MED12L: variants seen among roughly 807,000 people sequenced by gnomAD.
MED12L encodes mediator of RNA polymerase II transcription subunit 12-like protein.
Under a neutral mutation model 281.3 loss-of-function variants are expected in MED12L, and 60 were observed. That is an observed-to-expected ratio of 0.21 (90% CI 0.17 to 0.26). MED12L has a LOEUF of 0.26. MED12L is among the 10% of genes least tolerant of loss of function. The pLI, the probability that MED12L is intolerant of heterozygous loss-of-function variation, is 1.00. For synonymous variants in MED12L, 974 were observed against 987.2 expected, an observed-to-expected ratio of 0.99 and a Z score of 0.25; for missense variants, 2,146 against 2,680.9, an observed-to-expected ratio of 0.80 and a Z score of 4.41.
Position 151,392,307 on chromosome 3 carries a change from T to G in MED12L, c.5608+2172T>G, listed in dbSNP as rs536588048. On this transcript the variant is annotated intron_variant, in intron 38 of 44. Transcript: ENST00000687756. ...GGTGAAACCCCGTATCTACTAAAAA[T>G]ACAAAAAACAAAATTAGCCAGGCAT... Among the ~76,000 whole-genome samples the G allele has an allele frequency of 2.0e-3, 309 of 151,156 alleles. 1 individual carries two copies. Among genetic ancestry groups the G allele is most frequent in the Non-Finnish European group, 1.3e-3 (85 of 67,794 alleles).
chr3:151,184,808 C>T (rs576147436), intron 11 of MED12L, among the ~76,000 whole-genome samples: 91 of 152,194 alleles, frequency 6.0e-4, no homozygotes, highest in African/African-American at 2.1e-3. Flanking sequence ...TCCATTGGGA[C>T]GGGTGTTTTA....
At chr3:151,283,179 ATGTAT>A (rs958397413) in intron 16 of MED12L, among the ~76,000 whole-genome samples, 2 of 152,254 alleles carry the variant, frequency 1.3e-5, no homozygotes, top group African/African-American at 2.4e-5. Context: ...CAATTTGTAC[ATGTAT>A]TGTAGGCAGT....
chr3:151,171,975 A>G lies in MED12L; in HGVS notation c.1494+5993A>G, dbSNP rs191241922. Among the ~76,000 whole-genome samples the G allele has an allele frequency of 1.8e-4, 28 of 152,316 alleles. 1 individual carries two copies. The East Asian group carries it at 5.4e-3, about 29-fold the overall frequency. On this transcript the variant is annotated intron_variant, in intron 11 of 44. Coordinates refer to ENST00000687756, the MANE Select transcript of MED12L (RefSeq NM_001393769.1). ...GTCGCATTTATTGAATTCATTTTTT[A>G]GACCTCATTAAAAAGCTACTCGGGC...
At chr3:151,227,933 G>A (rs577035834) in intron 16 of MED12L, among the ~76,000 whole-genome samples, 3 of 152,342 alleles carry the variant, frequency 2.0e-5, no homozygotes, top group South Asian at 4.1e-4. Flanking sequence ...GCCATGGTTT[G>A]TGCAACCAGC....
rs777877551 is a variant in MED12L, at chr3:151,193,518, G to C, written c.2102G>C (p.Cys701Ser). 6.2e-7 allele frequency: 1 copy of C among 1,613,798 alleles called. No individual in the cohort carries two copies. Among genetic ancestry groups the C allele is most frequent in the African/African-American group, 1.3e-5 (1 of 75,032 alleles). ...TTTTCTCCTATGCCTGGAGAATCCTGTGAGAATGCCAACACTTCGTTGGGC... is the reference window on the plus strand; with the variant it reads ...TTTTCTCCTATGCCTGGAGAATCCTCTGAGAATGCCAACACTTCGTTGGGC... ...PIFSPMPGES[C>S]ENANTSLGRR... The change falls in exon 16 of 45, where the codon TGT becomes TCT. Residue 701 changes from cysteine to serine, a missense_variant. Cys to Ser is a moderately radical substitution (Grantham distance 112). Around this residue, in one of 9 missense-constraint regions of MED12L, gnomAD observed 722 missense variants for 861.2 expected, o/e 0.84. Coordinates refer to ENST00000687756, the MANE Select transcript of MED12L (RefSeq NM_001393769.1).
At chr3:151,382,934 A>T (rs1312829914) in intron 33 of MED12L, among the ~76,000 whole-genome samples, 189 bp downstream of exon 33, 2 of 152,176 alleles carry the variant, frequency 1.3e-5, no homozygotes, top group African/African-American at 4.8e-5. Context: ...CTGTCTGGTC[A>T]GACATCTAGA....
At chr3:151,128,047 G>A in intron 5 of MED12L, 63 bp downstream of exon 5, 1 of 1,438,168 alleles carries the variant, frequency 7.0e-7, no homozygotes, top group Non-Finnish European at 9.7e-7. Context: ...ATTGTTGCCT[G>A]TACCCTCTGG....
intron 16 of MED12L, among the ~76,000 whole-genome samples, chr3:151,339,610 T>G (rs1329113017): frequency 6.6e-6 from 1 of 152,026 alleles, no homozygotes; most frequent in Non-Finnish European, 1.5e-5. Context: ...ATACATTTTC[T>G]TGAATATCAT....
chr3:151,143,137 G>C (rs536837917), intron 5 of MED12L, among the ~76,000 whole-genome samples: 1 of 152,184 alleles, frequency 6.6e-6, no homozygotes, highest in Admixed American at 6.5e-5. Flanking sequence ...GAGGGAAGCC[G>C]GGGTGGATCT....
At chr3:151,398,513 A>C (rs534744709) in intron 39 of MED12L, among the ~76,000 whole-genome samples, 13 of 152,370 alleles carry the variant, frequency 8.5e-5, no homozygotes, top group Non-Finnish European at 1.8e-4. Flanking sequence ...GGAATGTGTT[A>C]AGACAGTGTT....
At chr3:151,211,363 CT>C (rs1169973185) in intron 16 of MED12L, among the ~76,000 whole-genome samples, 1 of 143,004 alleles carries the variant, frequency 7.0e-6, no homozygotes, top group Non-Finnish European at 1.5e-5. Context: ...TAAACACTGC[CT>C]TTGTTTTTTT....
chr3:151,336,397 A>C, intron 16 of MED12L: 1 of 405,768 alleles, frequency 2.5e-6, no homozygotes, highest in Non-Finnish European at 4.9e-6. Context: ...TCGTAATGAA[A>C]TAGAACTCAG....
In MED12L at chr3:151,325,810, C is replaced by T. The variant is rs111226200; in HGVS notation, c.2251-24249C>T. Reference sequence around the variant, plus strand: ...AAATTGTCATTAGAGGCAAAATACACAGGTTACCCCACCAGACATACCTGG... The same window carrying T: ...AAATTGTCATTAGAGGCAAAATACATAGGTTACCCCACCAGACATACCTGG... On this transcript the variant is annotated intron_variant, in intron 16 of 44. Transcript: ENST00000687756. Among the ~76,000 whole-genome samples the T allele has an allele frequency of 8.0e-3, 1,221 of 152,264 alleles. 11 individuals carry two copies. The highest frequency in any genetic ancestry group is 0.024 in the South Asian group (115 of 4,822).
intron 16 of MED12L, among the ~76,000 whole-genome samples, chr3:151,263,706 G>A (rs1739312202): frequency 6.6e-6 from 1 of 152,140 alleles, no homozygotes; most frequent in South Asian, 2.1e-4. Flanking sequence ...AGAGATTAAT[G>A]TAATATAGAG....
intron 5 of MED12L, among the ~76,000 whole-genome samples, chr3:151,147,722 T>C (rs1717928003): frequency 1.3e-5 from 2 of 152,254 alleles, no homozygotes; most frequent in African/African-American, 4.8e-5. Context: ...TGGTGTTCCA[T>C]TGTATGCATA....
intron 31 of MED12L, among the ~76,000 whole-genome samples, chr3:151,378,938 G>A (rs537140845): frequency 1.3e-5 from 2 of 152,290 alleles, no homozygotes; most frequent in East Asian, 1.9e-4. Flanking sequence ...TAGCAATCAT[G>A]TGGTAGGTAC....
At chr3:151,114,677 C>T (rs531623055) in intron 2 of MED12L, among the ~76,000 whole-genome samples, 5 of 151,596 alleles carry the variant, frequency 3.3e-5, no homozygotes, top group African/African-American at 7.3e-5. Context: ...ATCTCTCCCT[C>T]TTATTCTTTC....
At chr3:151,200,757 C>T (rs996447831) in intron 16 of MED12L, among the ~76,000 whole-genome samples, 8 of 152,340 alleles carry the variant, frequency 5.3e-5, no homozygotes, top group Admixed American at 2.6e-4. Flanking sequence ...TTACCAAACT[C>T]GATGAAAATA....
At chr3:151,105,497 G>A (rs1210076922) in intron 2 of MED12L, among the ~76,000 whole-genome samples, 2 of 152,202 alleles carry the variant, frequency 1.3e-5, no homozygotes, top group Non-Finnish European at 2.9e-5. Flanking sequence ...ACTTGATTCT[G>A]TTGCTCCCTC....
Sources: allele counts gnomAD v4.1 joint callset (sites outside exome capture counted in the v4.1 genomes callset), GRCh38; gene constraint gnomAD v4.1.1; regional missense constraint gnomAD v4.1.1; transcripts MANE v1.5; gene names NCBI Gene and HGNC (gene_info 2026-07-23, HGNC 2026-07-21).